Variants in CBL observed in about 807,000 individuals in gnomAD.
CBL encodes the protein E3 ubiquitin-protein ligase CBL.
Under a neutral mutation model 96.9 loss-of-function variants are expected in CBL, and 45 were observed. The ratio of observed to expected loss-of-function variants is 0.46; its 90% CI spans 0.37 to 0.60. The LOEUF is 0.60. Among genes scored for constraint, CBL ranks in the 20% least tolerant of loss-of-function variants. The pLI, the probability that CBL is intolerant of heterozygous loss-of-function variation, is 0.00. For synonymous variants in CBL, 420 were observed against 426.8 expected, an observed-to-expected ratio of 0.98 and a Z score of 0.20; for missense variants, 1,024 against 1,143.5, an observed-to-expected ratio of 0.90 and a Z score of 1.51.
chr11:119,280,623 T>TA (rs982261423), intron 9 of CBL, among the ~76,000 whole-genome samples: 9 of 151,986 alleles, frequency 5.9e-5, no homozygotes, highest in Non-Finnish European at 1.2e-4. Context: ...AAAGAATTGC[T>TA]AAAAAAAACT....
At chr11:119,225,048 G>T (rs1232516791) in intron 1 of CBL, among the ~76,000 whole-genome samples, 2 of 150,896 alleles carry the variant, frequency 1.3e-5, no homozygotes, top group South Asian at 2.1e-4. Flanking sequence ...AAACTCTTTG[G>T]GGTGTGTGTG....
chr11:119,266,584 T>C lies in CBL; in HGVS notation c.444-5151T>C, dbSNP rs1386216803. The stretch of plus-strand genomic sequence containing the variant: ...CACAAAGGTACGTTGGCTTTGAAGG[T>C]AGGCCCTGAGGTAGAGAGAAAAGAA... On this transcript the variant is annotated intron_variant, in intron 2 of 15. Transcript: ENST00000264033. Among the ~76,000 whole-genome samples the C allele has an allele frequency of 2.0e-5, 3 of 151,910 alleles. No individual in the cohort carries two copies. In the East Asian group the frequency reaches 5.8e-4, roughly 29 times the overall value.
intron 2 of CBL, among the ~76,000 whole-genome samples, chr11:119,250,191 A>C (rs1949661024): frequency 6.6e-6 from 1 of 152,146 alleles, no homozygotes; most frequent in South Asian, 2.1e-4. Flanking sequence ...GATCCTTTTA[A>C]ACCTTGTGAG....
intron 5 of CBL, among the ~76,000 whole-genome samples, chr11:119,275,401 G>T (rs1164773544): frequency 6.6e-6 from 1 of 152,106 alleles, no homozygotes; most frequent in Non-Finnish European, 1.5e-5. Context: ...TCATGTCATT[G>T]CACTCTAGCC....
intron 2 of CBL, among the ~76,000 whole-genome samples, chr11:119,239,505 T>C (rs1319099260): frequency 1.3e-5 from 2 of 152,232 alleles, no homozygotes; most frequent in Non-Finnish European, 2.9e-5. Context: ...GTAGGTTCCT[T>C]AGGCTTTCCT....
At chr11:119,298,799 G>A (rs1950080778) in intron 15 of CBL, among the ~76,000 whole-genome samples, 1 of 152,240 alleles carries the variant, frequency 6.6e-6, no homozygotes, top group Non-Finnish European at 1.5e-5. Context: ...TAGTTTCTCT[G>A]AGTATGCCTT....
At position 119,300,374 on chromosome 11, in the gene CBL, A is replaced by C; in HGVS notation, c.*593A>C. The C allele has an allele frequency of 2.5e-6, 1 of 407,232 alleles. No homozygotes were observed. The highest frequency in any genetic ancestry group is 4.3e-6 in the Non-Finnish European group (1 of 230,528). The allele number at this position is 407,232 out of a possible 1,614,324, so 25.2% of individuals were successfully genotyped here. A position where few individuals can be genotyped will look rare whatever the true frequency, so the allele number is the denominator to read the frequency against. ...CATAGCTAAAGTCTTCTATTTTTAG[A>C]ACACCTTCTGTCTGTTCTTTCCCCA... On this transcript the variant is annotated 3_prime_UTR_variant, in exon 16 of 16. Transcript: ENST00000264033.
At position 119,302,987 on chromosome 11, in the gene CBL, A is replaced by G. The variant is rs1263268538; in HGVS notation, c.*3206A>G. Reference sequence around the variant, plus strand: ...ATACTACTGTTAGTATTATTTAACTATTTTGTAGATTTAAAAGATTTCTGG... The same window carrying G: ...ATACTACTGTTAGTATTATTTAACTGTTTTGTAGATTTAAAAGATTTCTGG... On this transcript the variant is annotated 3_prime_UTR_variant, in exon 16 of 16. Transcript: ENST00000264033. 1.3e-5 allele frequency: 3 copies of G among 227,868 alleles called. No homozygotes were observed. Among genetic ancestry groups the G allele is most frequent in the African/African-American group, 6.7e-5 (3 of 45,068 alleles). 14.1% of individuals were successfully genotyped at this position (227,868 alleles called of 1,614,324 possible).
intron 2 of CBL, among the ~76,000 whole-genome samples, chr11:119,234,388 T>G (rs1331790730): frequency 6.6e-6 from 1 of 152,242 alleles, no homozygotes; most frequent in Non-Finnish European, 1.5e-5. Context: ...GAAGTGAACT[T>G]TATTCCTTTT....
At chr11:119,262,880 AC>A (rs1949764655) in intron 2 of CBL, among the ~76,000 whole-genome samples, 1 of 152,206 alleles carries the variant, frequency 6.6e-6, no homozygotes, top group South Asian at 2.1e-4. Flanking sequence ...GGATTTAGTA[AC>A]CGTAGTCATT....
chr11:119,286,869 G>A (rs1204451168), intron 11 of CBL, among the ~76,000 whole-genome samples: 2 of 152,192 alleles, frequency 1.3e-5, no homozygotes, highest in East Asian at 1.9e-4. Flanking sequence ...ATATAAACAT[G>A]TTAATTGAAT....
chr11:119,275,046 C>T (rs1949877974), intron 5 of CBL, 93 bp downstream of exon 5: 39 of 1,348,562 alleles, frequency 2.9e-5, no homozygotes, highest in Middle Eastern at 3.6e-4. Context: ...TAATTAGTTT[C>T]GCAATAGCCA....
intron 2 of CBL, 76 bp downstream of exon 2, chr11:119,232,771 G>A: frequency 2.8e-6 from 4 of 1,416,124 alleles, no homozygotes; most frequent in Non-Finnish European, 4.0e-6. Flanking sequence ...AAGTAGTTGA[G>A]TTGGTTTTAA....
In CBL at chr11:119,303,780, A is replaced by G. The variant is rs1299490047; in HGVS notation, c.*3999A>G. 1.3e-5 allele frequency: 3 copies of G among 233,544 alleles called. No individual in the cohort carries two copies. Among genetic ancestry groups the G allele is most frequent in the African/African-American group, 6.6e-5 (3 of 45,304 alleles). 14.5% of individuals were successfully genotyped at this position (233,544 alleles called of 1,614,324 possible). ...CTCAGAGTTGCACAGTAGGGCATTAAATGTTTAAGCAAAGCATCTGCCCAC... is the reference window on the plus strand; with the variant it reads ...CTCAGAGTTGCACAGTAGGGCATTAGATGTTTAAGCAAAGCATCTGCCCAC... On this transcript the variant is annotated 3_prime_UTR_variant, in exon 16 of 16. Coordinates refer to ENST00000264033, the MANE Select transcript of CBL (RefSeq NM_005188.4).
intron 9 of CBL, among the ~76,000 whole-genome samples, chr11:119,282,432 T>TGAGA (rs1167045406): frequency 2.6e-5 from 4 of 151,690 alleles, no homozygotes; most frequent in African/African-American, 9.7e-5. Context: ...GCCTAAGGAA[T>TGAGA]GAGAGAAAGA....
At position 119,306,504 on chromosome 11, in the gene CBL, G is replaced by A; in HGVS notation, c.*6723G>A. On this transcript the variant is annotated 3_prime_UTR_variant, in exon 16 of 16. Transcript: ENST00000264033. The stretch of plus-strand genomic sequence containing the variant: ...TGCTATGTGCAACTCCTCAGGCCTT[G>A]TGCCACCTCCATGCTGAGCCCTGAA... The A allele has an allele frequency of 2.5e-6, 1 of 397,086 alleles. No homozygotes were observed. Among genetic ancestry groups the A allele is most frequent in the Non-Finnish European group, 4.4e-6 (1 of 225,540 alleles). The allele number at this position is 397,086 out of a possible 1,614,324, so 24.6% of individuals were successfully genotyped here.
At chr11:119,252,128 T>A (rs1189455452) in intron 2 of CBL, among the ~76,000 whole-genome samples, 3 of 151,698 alleles carry the variant, frequency 2.0e-5, no homozygotes, top group Non-Finnish European at 2.9e-5. Flanking sequence ...TTAAATTTGT[T>A]ACAGAAATGG....
chr11:119,210,949 T>G (rs1949312300), intron 1 of CBL, among the ~76,000 whole-genome samples: 1 of 152,174 alleles, frequency 6.6e-6, no homozygotes, highest in Non-Finnish European at 1.5e-5. Context: ...GTTTTTCCTA[T>G]ACATACCTAC....
At chr11:119,243,673 G>T (rs141751986) in intron 2 of CBL, among the ~76,000 whole-genome samples, 2 of 152,064 alleles carry the variant, frequency 1.3e-5, no homozygotes, top group South Asian at 4.2e-4. Flanking sequence ...ACAACGGTAA[G>T]TATTAGAATT....
Sources: gnomAD v4.1 joint callset for allele counts (sites outside exome capture counted in the v4.1 genomes callset) on GRCh38, gnomAD v4.1.1 for gene constraint, MANE v1.5 for transcripts, NCBI Gene and HGNC (gene_info 2026-07-23, HGNC 2026-07-21) for gene names.